ARHGAP39: variants seen among roughly 807,000 people sequenced by gnomAD.
ARHGAP39 encodes the protein rho GTPase-activating protein 39.
A neutral mutation model predicts 106.9 loss-of-function variants in ARHGAP39; 44 were observed. The observed-to-expected ratio is 0.41, with a 90% CI of 0.32 to 0.53. The LOEUF (loss-of-function observed/expected upper bound fraction) is 0.53, where lower values mean the gene tolerates loss of function less well. ARHGAP39 is among the 20% of genes least tolerant of loss of function. The pLI, the probability that ARHGAP39 is intolerant of heterozygous loss-of-function variation, is 0.21. For missense variants in ARHGAP39, 1,496 were observed against 1,577.3 expected (o/e 0.95, Z 0.87); for synonymous variants, 768 against 693.2 (o/e 1.11, Z -1.69).
At chr8:144,676,138 G>A (rs1822231839) in intron 1 of ARHGAP39, among the ~76,000 whole-genome samples, 1 of 152,182 alleles carries the variant, frequency 6.6e-6, no homozygotes, top group African/African-American at 2.4e-5. Flanking sequence ...AGCATGGAAG[G>A]GGACCCCAGC....
chr8:144,572,045 G>A (rs1210891253), intron 3 of ARHGAP39, among the ~76,000 whole-genome samples: 1 of 152,102 alleles, frequency 6.6e-6, no homozygotes, highest in Non-Finnish European at 1.5e-5. Context: ...CATTAAAATG[G>A]CCATACTGCC....
rs535915228 is a variant in ARHGAP39, at chr8:144,631,230, G to A, written c.-81-25535C>T. On this transcript the variant is annotated intron_variant, in intron 1 of 11. Transcript: ENST00000377307. ...CCCGCCAGACCCCACCTCCAACACC[G>A]GGGATTATATTTCAACATGAGATTT... 5.9e-5 allele frequency among the ~76,000 whole-genome samples: 9 copies of A among 152,318 alleles called. No individual in the cohort carries two copies. In the East Asian group the frequency reaches 7.7e-4, roughly 13 times the overall value.
intron 1 of ARHGAP39, among the ~76,000 whole-genome samples, chr8:144,606,388 A>G (rs117043943): frequency 0.027 from 4,082 of 152,314 alleles, 95 homozygotes; most frequent in Admixed American, 0.066. Context: ...CAATGTGAAC[A>G]CGACGAGGAT....
chr8:144,665,448 G>A (rs188263918), intron 1 of ARHGAP39, among the ~76,000 whole-genome samples: 60 of 151,976 alleles, frequency 3.9e-4, no homozygotes, highest in African/African-American at 1.1e-3. Context: ...GGAAAATGTC[G>A]CCAGGCCATG....
At chr8:144,556,968 CA>C (rs1439805406) in intron 3 of ARHGAP39, among the ~76,000 whole-genome samples, 1 of 141,172 alleles carries the variant, frequency 7.1e-6, no homozygotes, top group African/African-American at 3.0e-5. Context: ...TATTCAGTGG[CA>C]AAAGCCTGAA....
the ARHGAP39 span, among the ~76,000 whole-genome samples, chr8:144,695,692 T>A: frequency 6.6e-6 from 1 of 152,084 alleles, no homozygotes; most frequent in Non-Finnish European, 1.5e-5. Flanking sequence ...GTTAAAACAA[T>A]TTTACAGAAA....
Position 144,684,470 on chromosome 8 carries a change from G to A in ARHGAP39, c.-82+1216C>T, listed in dbSNP as rs989281363. Among the ~76,000 whole-genome samples the A allele has an allele frequency of 6.6e-6, 1 of 152,172 alleles. No homozygotes were observed. Among genetic ancestry groups the A allele is most frequent in the African/African-American group, 2.4e-5 (1 of 41,434 alleles). On this transcript the variant is annotated intron_variant, in intron 1 of 11. Transcript: ENST00000377307. The surrounding 1 kb of genome is among the most constrained non-coding windows in gnomAD (Gnocchi z 4.4). Reference sequence around the variant, plus strand: ...AGGAGGCACGAGAAGCCTCACCACTGTAGGTTTTTCAGCAGAGGTCACTGG... The same window carrying A: ...AGGAGGCACGAGAAGCCTCACCACTATAGGTTTTTCAGCAGAGGTCACTGG...
chr8:144,613,587 T>C (rs895713620), intron 1 of ARHGAP39, among the ~76,000 whole-genome samples: 5 of 152,198 alleles, frequency 3.3e-5, no homozygotes, highest in African/African-American at 1.2e-4. Flanking sequence ...ATCTGTGTCT[T>C]TGTTCCTTCA....
At chr8:144,584,809 T>C (rs1819120679) in intron 2 of ARHGAP39, among the ~76,000 whole-genome samples, 1 of 151,862 alleles carries the variant, frequency 6.6e-6, no homozygotes, top group African/African-American at 2.4e-5. Flanking sequence ...TAAGTGTGTC[T>C]GAGCTCCCAG....
At chr8:144,581,846 C>T (rs564017206) in intron 2 of ARHGAP39, among the ~76,000 whole-genome samples, 6 of 152,326 alleles carry the variant, frequency 3.9e-5, no homozygotes, top group South Asian at 2.1e-4. Context: ...CTCAGACCCC[C>T]GCTGGGGGCA....
rs190676325 is a variant in ARHGAP39 at position 144,685,120 on chromosome 8, C to T, written c.-82+566G>A. Among the ~76,000 whole-genome samples the T allele has an allele frequency of 2.2e-3, 328 of 148,652 alleles. 1 individual carries two copies. The highest frequency in any genetic ancestry group is 8.1e-3 in the African/African-American group (311 of 38,490). On this transcript the variant is annotated intron_variant, in intron 1 of 11. Transcript: ENST00000377307. ...CTCACACCCCCCTCGGGCAGGGGCA[C>T]ACTCACACCCATCTAGGGCCGGGCA...
At position 144,679,937 on chromosome 8, in the gene ARHGAP39, G is replaced by A. The variant is rs893435138; in HGVS notation, c.-82+5749C>T. 1.3e-5 allele frequency among the ~76,000 whole-genome samples: 2 copies of A among 152,166 alleles called. No individual in the cohort carries two copies. The highest frequency in any genetic ancestry group is 1.9e-4 in the East Asian group (1 of 5,184). On this transcript the variant is annotated intron_variant, in intron 1 of 11. Coordinates refer to ENST00000377307, the MANE Select transcript of ARHGAP39 (RefSeq NM_025251.3). The surrounding 1 kb of genome is among the most constrained non-coding windows in gnomAD (Gnocchi z 4.7). ...GGAGCTTGCAGTGAGTCGAGATCGC[G>A]CCGCCGCACTCCAGCCTGGACGACA...
intron 4 of ARHGAP39, among the ~76,000 whole-genome samples, chr8:144,549,556 G>A (rs903066346): frequency 3.9e-5 from 6 of 152,044 alleles, no homozygotes; most frequent in African/African-American, 1.2e-4. Flanking sequence ...ATAGCGGCAC[G>A]GTCTTGCCTC....
chr8:144,621,494 A>C (rs1820805971), intron 1 of ARHGAP39, among the ~76,000 whole-genome samples: 1 of 152,190 alleles, frequency 6.6e-6, no homozygotes, highest in Non-Finnish European at 1.5e-5. Flanking sequence ...AGAGGCGGGA[A>C]GGGCTGGGGG....
chr8:144,602,092 T>A (rs1820007360), intron 2 of ARHGAP39, among the ~76,000 whole-genome samples: 1 of 135,552 alleles, frequency 7.4e-6, no homozygotes, highest in Non-Finnish European at 1.5e-5. Context: ...TGTGGAGGCG[T>A]GTGTGCTCGT....
Position 144,636,231 on chromosome 8 carries a change from T to C in ARHGAP39, c.-81-30536A>G, listed in dbSNP as rs187897924. On this transcript the variant is annotated intron_variant, in intron 1 of 11. Coordinates refer to ENST00000377307, the MANE Select transcript of ARHGAP39 (RefSeq NM_025251.3). Reference sequence around the variant, plus strand: ...AGAAACCCTTCTTGGTGACCACAGGTAGATAATTCTTCTGTGTTGATTCTT... The same window carrying C: ...AGAAACCCTTCTTGGTGACCACAGGCAGATAATTCTTCTGTGTTGATTCTT... Among the ~76,000 whole-genome samples the C allele has an allele frequency of 7.8e-4, 119 of 152,298 alleles. 1 individual carries two copies. Among genetic ancestry groups the C allele is most frequent in the Middle Eastern group, 3.4e-3 (1 of 294 alleles).
chr8:144,604,422 G>A lies in ARHGAP39; in HGVS notation c.80+1113C>T, dbSNP rs2130944045. On this transcript the variant is annotated intron_variant, in intron 2 of 11. Coordinates refer to ENST00000377307, the MANE Select transcript of ARHGAP39 (RefSeq NM_025251.3). The surrounding 1 kb of genome is among the most constrained non-coding windows in gnomAD (Gnocchi z 4.1). Reference sequence around the variant, plus strand: ...CACGGGGGTCTCACGCAGTCGCTCAGGCCAGAGTGCAGTGGTGTGATCTCA... The same window carrying A: ...CACGGGGGTCTCACGCAGTCGCTCAAGCCAGAGTGCAGTGGTGTGATCTCA... Among the ~76,000 whole-genome samples, 1 of 152,228 alleles carries A rather than the reference G, an allele frequency of 6.6e-6. No individual in the cohort carries two copies. Among genetic ancestry groups the A allele is most frequent in the South Asian group, 2.1e-4 (1 of 4,828 alleles).
intron 2 of ARHGAP39, among the ~76,000 whole-genome samples, chr8:144,603,616 G>C (rs1385807395): frequency 6.6e-6 from 1 of 151,586 alleles, no homozygotes; most frequent in Non-Finnish European, 1.5e-5. Context: ...CTTCAACCCG[G>C]GAGGCGGAGC....
At chr8:144,683,931 C>T (rs1213433486) in intron 1 of ARHGAP39, among the ~76,000 whole-genome samples, 1 of 152,188 alleles carries the variant, frequency 6.6e-6, no homozygotes, top group African/African-American at 2.4e-5. Flanking sequence ...ACACAGTGTG[C>T]CACGAACAAA....
Sources: allele counts gnomAD v4.1 joint callset (sites outside exome capture counted in the v4.1 genomes callset), GRCh38; gene constraint gnomAD v4.1.1; non-coding constraint Gnocchi (gnomAD v3.1); transcripts MANE v1.5; gene names NCBI Gene and HGNC (gene_info 2026-07-23, HGNC 2026-07-21).